The following ULK4 variants were observed in gnomAD, a reference collection of about 807,000 sequenced individuals.
ULK4 encodes unc-51 like kinase 4, also known as inactive serine/threonine-protein kinase ULK4.
A neutral mutation model predicts 160.6 loss-of-function variants in ULK4; 133 were observed. The observed-to-expected ratio is 0.83, with a 90% CI of 0.72 to 0.96. ULK4 has a LOEUF of 0.96. Ranked by LOEUF, ULK4 falls within the 40% of genes least tolerant of loss-of-function variation. The probability of loss-of-function intolerance (pLI) is 0.00; values close to 1 mark genes in which losing one functional copy is unlikely to be tolerated. For missense variants in ULK4, 1,580 were observed against 1,499.5 expected, an observed-to-expected ratio of 1.05 and a Z score of -0.89; for synonymous variants, 534 against 539.8, an observed-to-expected ratio of 0.99 and a Z score of 0.15.
chr3:41,920,935 T>C (rs1047464847), intron 5 of ULK4, among the ~76,000 whole-genome samples: 7 of 152,334 alleles, frequency 4.6e-5, no homozygotes, highest in East Asian at 1.9e-4. Flanking sequence ...CAACACTTAA[T>C]AGATGTTTCA....
Position 41,615,567 on chromosome 3 carries a change from TCAGGG to T in ULK4, c.3120+97_3120+101del, listed in dbSNP as rs542242275. 2.2e-3 allele frequency: 2,435 copies of T among 1,123,564 alleles called. 6 individuals carry two copies. The highest frequency in any genetic ancestry group is 2.6e-3 in the Non-Finnish European group (2,022 of 771,690). The allele number at this position is 1,123,564 out of a possible 1,614,324, so 69.6% of individuals were successfully genotyped here. A position where few individuals can be genotyped will look rare whatever the true frequency, so the allele number is the denominator to read the frequency against. ...GTGATGATGATGGACGTACAATCCT[TCAGGG>T]CAGAGGCAGGGTTAGCAACACAGTC... is the stretch of plus-strand genomic sequence containing the variant. On this transcript the variant is annotated intron_variant, in intron 31 of 36. Coordinates refer to ENST00000301831, the MANE Select transcript of ULK4 (RefSeq NM_017886.4).
chr3:41,546,117 G>C (rs1256225964), intron 32 of ULK4, among the ~76,000 whole-genome samples: 4 of 151,968 alleles, frequency 2.6e-5, no homozygotes. Context: ...TTATTATTAT[G>C]GGTCACATTC....
intron 21 of ULK4, among the ~76,000 whole-genome samples, chr3:41,755,316 T>C (rs1038734142): frequency 2.0e-5 from 3 of 152,202 alleles, no homozygotes; most frequent in African/African-American, 7.2e-5. Context: ...AGTCCTTTTC[T>C]ATTTGGTGCT....
intron 32 of ULK4, among the ~76,000 whole-genome samples, chr3:41,540,123 G>A (rs763508370): frequency 3.9e-5 from 6 of 152,002 alleles, no homozygotes; most frequent in Non-Finnish European, 8.8e-5. Flanking sequence ...AGAATGTGCA[G>A]GTTTGTTACA....
chr3:41,787,291 C>T (rs1028982513), intron 21 of ULK4, among the ~76,000 whole-genome samples: 1 of 152,108 alleles, frequency 6.6e-6, no homozygotes, highest in African/African-American at 2.4e-5. Context: ...ACAATGTTTC[C>T]CCAGTGATGA....
intron 27 of ULK4, among the ~76,000 whole-genome samples, chr3:41,685,509 G>A (rs1017376043): frequency 3.9e-5 from 6 of 152,088 alleles, no homozygotes; most frequent in Non-Finnish European, 8.8e-5. Flanking sequence ...TTTTACTTAA[G>A]GCATTCCAAG....
intron 18 of ULK4, among the ~76,000 whole-genome samples, chr3:41,827,447 T>TA (rs1273411222): frequency 2.0e-5 from 3 of 151,800 alleles, no homozygotes; most frequent in Non-Finnish European, 4.4e-5. Flanking sequence ...ATAGACGCAA[T>TA]AAAAAATGAC....
At chr3:41,426,310 C>T (rs1437707675) in intron 34 of ULK4, among the ~76,000 whole-genome samples, 1 of 152,210 alleles carries the variant, frequency 6.6e-6, no homozygotes, top group Non-Finnish European at 1.5e-5. Context: ...GAGACTTAGA[C>T]TCCCACACAA....
At chr3:41,305,060 G>A (rs2079878364) in intron 35 of ULK4, among the ~76,000 whole-genome samples, 1 of 152,154 alleles carries the variant, frequency 6.6e-6, no homozygotes, top group African/African-American at 2.4e-5. Context: ...GTTACTATCT[G>A]GTTATGTTGC....
chr3:41,247,333 T>C (rs1363141117), intron 36 of ULK4, among the ~76,000 whole-genome samples: 3 of 152,220 alleles, frequency 2.0e-5, no homozygotes, highest in Non-Finnish European at 4.4e-5. Flanking sequence ...AGCTGACTTA[T>C]GTGTCCCAGA....
chr3:41,913,611 C>A (rs551399523), intron 8 of ULK4, among the ~76,000 whole-genome samples: 1 of 152,112 alleles, frequency 6.6e-6, no homozygotes, highest in Non-Finnish European at 1.5e-5. Context: ...ATTTTACTTA[C>A]CCTAACTGAC....
intron 35 of ULK4, among the ~76,000 whole-genome samples, chr3:41,373,984 T>C (rs959012009): frequency 2.2e-4 from 34 of 152,118 alleles, no homozygotes; most frequent in African/African-American, 8.2e-4. Context: ...AAATACAAAC[T>C]ACCATCAGAG....
At chr3:41,726,520 T>C (rs1404622652) in intron 22 of ULK4, among the ~76,000 whole-genome samples, 1 of 152,242 alleles carries the variant, frequency 6.6e-6, no homozygotes, top group Admixed American at 6.5e-5. Flanking sequence ...TATTTCTCAG[T>C]GTTCTACAAG....
At chr3:41,271,393 CTT>C (rs35652378) in intron 35 of ULK4, among the ~76,000 whole-genome samples, 33 of 138,588 alleles carry the variant, frequency 2.4e-4, no homozygotes, top group East Asian at 2.1e-4. Context: ...ATCAATAGTT[CTT>C]TTTTTTTTTT....
intron 30 of ULK4, among the ~76,000 whole-genome samples, chr3:41,662,360 G>A (rs546749545): frequency 6.6e-6 from 1 of 152,326 alleles, no homozygotes; most frequent in African/African-American, 2.4e-5. Context: ...GGAAATGGAT[G>A]AGGGAAGGTA....
intron 35 of ULK4, among the ~76,000 whole-genome samples, chr3:41,369,451 G>A (rs573264348): frequency 1.3e-5 from 2 of 151,314 alleles, no homozygotes; most frequent in South Asian, 2.1e-4. Context: ...CTGAGATTAC[G>A]CCACTGCACT....
rs192940288 is a variant in ULK4 at position 41,389,800 on chromosome 3, C to G, written c.3678+8279G>C. 2.6e-3 allele frequency among the ~76,000 whole-genome samples: 394 copies of G among 152,146 alleles called. 3 individuals carry two copies. Among genetic ancestry groups the G allele is most frequent in the Admixed American group, 0.017 (254 of 15,278 alleles). ...AGTATTTTATTGAGGATTTTTGCAT[C>G]GATGTTCATCAGGGATACTGGTCTA... On this transcript the variant is annotated intron_variant, in intron 35 of 36. Coordinates refer to ENST00000301831, the MANE Select transcript of ULK4 (RefSeq NM_017886.4).
intron 32 of ULK4, among the ~76,000 whole-genome samples, chr3:41,474,543 C>G (rs1293166078): frequency 6.6e-6 from 1 of 151,992 alleles, no homozygotes; most frequent in African/African-American, 2.4e-5. Flanking sequence ...ACAACACACT[C>G]TGCAAAATAA....
intron 20 of ULK4, among the ~76,000 whole-genome samples, chr3:41,794,312 T>C (rs1219248830): frequency 6.6e-6 from 1 of 152,122 alleles, no homozygotes; most frequent in Non-Finnish European, 1.5e-5. Flanking sequence ...GCATCTACCA[T>C]GTGCCCAGAA....
Sources: allele counts gnomAD v4.1 joint callset (sites outside exome capture counted in the v4.1 genomes callset), GRCh38; gene constraint gnomAD v4.1.1; transcripts MANE v1.5; gene names NCBI Gene and HGNC (gene_info 2026-07-23, HGNC 2026-07-21).